PYGO1: variants seen among roughly 807,000 people sequenced by gnomAD.
PYGO1 encodes pygopus homolog 1.
A neutral mutation model predicts 29.5 loss-of-function variants in PYGO1; 6 were observed. The ratio of observed to expected loss-of-function variants is 0.20; its 90% CI spans 0.11 to 0.40. The LOEUF (loss-of-function observed/expected upper bound fraction) is 0.40. Ranked by LOEUF, PYGO1 falls within the 10% of genes least tolerant of loss-of-function variation. PYGO1 has a pLI of 1.00. For missense variants in PYGO1, 515 were observed against 514.9 expected, an observed-to-expected ratio of 1.00 and a Z score of 0.00; for synonymous variants, 186 against 180.5, an observed-to-expected ratio of 1.03 and a Z score of -0.24.
chr15:55,559,068 T>A (rs1469899776), intron 1 of PYGO1, among the ~76,000 whole-genome samples: 5 of 151,850 alleles, frequency 3.3e-5, no homozygotes, highest in African/African-American at 9.7e-5. Context: ...TGGGAGAAAA[T>A]TTTTGCAATC....
At chr15:55,549,826 T>C (rs1427848796) in intron 1 of PYGO1, among the ~76,000 whole-genome samples, 1 of 152,186 alleles carries the variant, frequency 6.6e-6, no homozygotes, top group East Asian at 1.9e-4. Context: ...ATTCTGAACA[T>C]ATACAACATA....
intron 1 of PYGO1, among the ~76,000 whole-genome samples, chr15:55,562,989 G>A (rs890412680): frequency 6.6e-6 from 1 of 152,088 alleles, no homozygotes; most frequent in African/African-American, 2.4e-5. Context: ...ACTGGGGCCT[G>A]TCGGGGGGAG....
chr15:55,571,663 C>T (rs561685277), intron 1 of PYGO1, among the ~76,000 whole-genome samples: 81 of 152,296 alleles, frequency 5.3e-4, no homozygotes, highest in Non-Finnish European at 9.8e-4. Context: ...TGGGGCCTCT[C>T]CAGCCACATG....
At chr15:55,583,316 CCT>C (rs1248218386) in intron 1 of PYGO1, among the ~76,000 whole-genome samples, 50 of 151,736 alleles carry the variant, frequency 3.3e-4, no homozygotes, top group African/African-American at 1.1e-3. Flanking sequence ...CAGTTTTTCC[CCT>C]GTCCTTCTAC....
chr15:55,552,540 G>A (rs1356621728), intron 1 of PYGO1, among the ~76,000 whole-genome samples: 1 of 151,716 alleles, frequency 6.6e-6, no homozygotes, highest in South Asian at 2.1e-4. Context: ...TAGGGCAATC[G>A]CCCGCCCAGG....
chr15:55,552,361 CAAAA>C (rs56789656), intron 1 of PYGO1, among the ~76,000 whole-genome samples: 10 of 53,010 alleles, frequency 1.9e-4, no homozygotes, highest in Non-Finnish European at 4.4e-4. Flanking sequence ...ACTCTGTCTC[CAAAA>C]AAAAAAAAAA....
At chr15:55,574,377 C>T (rs1208729830) in intron 1 of PYGO1, among the ~76,000 whole-genome samples, 1 of 152,200 alleles carries the variant, frequency 6.6e-6, no homozygotes, top group Non-Finnish European at 1.5e-5. Flanking sequence ...TTCCTCTCTA[C>T]TGCAAATGGT....
chr15:55,588,647 C>A (rs988004382), upstream of PYGO1, among the ~76,000 whole-genome samples: 18 of 151,078 alleles, frequency 1.2e-4, 1 homozygote, highest in African/African-American at 4.1e-4. Context: ...CCGCGCCCGG[C>A]GCTCCCTCGC....
intron 1 of PYGO1, among the ~76,000 whole-genome samples, chr15:55,573,914 A>T (rs2058990495): frequency 6.6e-6 from 1 of 152,232 alleles, no homozygotes; most frequent in African/African-American, 2.4e-5. Flanking sequence ...TATATTTATC[A>T]TACTATATGT....
In PYGO1 at chr15:55,546,892, A is replaced by T; in HGVS notation, c.391T>A (p.Phe131Ile). 6.2e-7 allele frequency: 1 copy of T among 1,614,136 alleles called. No individual in the cohort carries two copies. The highest frequency in any genetic ancestry group is 8.5e-7 in the Non-Finnish European group (1 of 1,180,014). Residue 131 changes from phenylalanine (F) to isoleucine (I), a missense_variant, in exon 3 of 3, where the codon TTT becomes ATT. Physicochemically the swap from Phe to Ile is conservative, Grantham distance 21. Transcript: ENST00000563719. The stretch of plus-strand genomic sequence containing the variant: ...CCCATGCCCAGAGGATTCTGAGGAA[A>T]TGGGTGTGGCTGGTTCCTGAGTGAG... ...PYSLRNQPHP[F>I]PQNPLGMGFN...
chr15:55,573,630 T>C (rs985542083), intron 1 of PYGO1, among the ~76,000 whole-genome samples: 2 of 152,156 alleles, frequency 1.3e-5, no homozygotes, highest in Non-Finnish European at 2.9e-5. Flanking sequence ...CCTTGAACTA[T>C]ATACATTGTG....
chr15:55,553,922 G>T (rs1472401430), intron 1 of PYGO1, among the ~76,000 whole-genome samples: 1 of 152,122 alleles, frequency 6.6e-6, no homozygotes, highest in Admixed American at 6.6e-5. Flanking sequence ...CCAGCAAACT[G>T]CAGCAGCCCT....
intron 1 of PYGO1, among the ~76,000 whole-genome samples, chr15:55,587,081 C>T (rs919228115): frequency 6.6e-6 from 1 of 152,210 alleles, no homozygotes; most frequent in African/African-American, 2.4e-5. Context: ...TCAGTCTTAA[C>T]CTTATTAAGA....
At chr15:55,565,081 C>T (rs1038507261) in intron 1 of PYGO1, among the ~76,000 whole-genome samples, 2 of 152,196 alleles carry the variant, frequency 1.3e-5, no homozygotes, top group South Asian at 2.1e-4. Context: ...CATAAAGAAG[C>T]CTTTGCTCTT....
intron 1 of PYGO1, among the ~76,000 whole-genome samples, chr15:55,567,875 A>G (rs959829506): frequency 2.0e-5 from 3 of 151,978 alleles, no homozygotes; most frequent in African/African-American, 7.3e-5. Context: ...GTTTTTCTCA[A>G]TTTTGTCAAA....
rs1206657552 is a variant in PYGO1 at position 55,542,231 on chromosome 15, G to C, written c.*3792C>G. 1 of 152,118 alleles carries C rather than the reference G, an allele frequency of 6.6e-6. No individual in the cohort carries two copies. Among genetic ancestry groups the C allele is most frequent in the Non-Finnish European group, 1.5e-5 (1 of 68,022 alleles). 9.4% of individuals were successfully genotyped at this position (152,118 alleles called of 1,614,324 possible). On this transcript the variant is annotated 3_prime_UTR_variant, in exon 3 of 3. Coordinates refer to ENST00000563719, the MANE Select transcript of PYGO1 (RefSeq NM_001367806.1). ...GAAAGAATATTGAATGAAGACTCTT[G>C]ATACTTATTTGGATTAAAGTTGGCA...
rs150599187 is a variant in PYGO1, at chr15:55,548,576, C to T, written c.135+334G>A. ...CAAAAATTAGCTGGGCATGGTGGCG[C>T]GTGCCTGTAATTCCAGCTACTTGGG... is the stretch of plus-strand genomic sequence containing the variant. On this transcript the variant is annotated intron_variant, in intron 2 of 2. Coordinates refer to ENST00000563719, the MANE Select transcript of PYGO1 (RefSeq NM_001367806.1). 6.0e-3 allele frequency among the ~76,000 whole-genome samples: 907 copies of T among 151,128 alleles called. 6 individuals are homozygous for T. Among genetic ancestry groups the T allele is most frequent in the African/African-American group, 0.02 (838 of 41,244 alleles).
chr15:55,557,251 C>G (rs1038885472), intron 1 of PYGO1, among the ~76,000 whole-genome samples: 3 of 151,814 alleles, frequency 2.0e-5, no homozygotes, highest in African/African-American at 4.8e-5. Flanking sequence ...AGAAGAAATG[C>G]ATAAATTCCT....
Position 55,552,310 on chromosome 15 carries a change from C to T in PYGO1, c.50-3315G>A, listed in dbSNP as rs569225823. 1.1e-3 allele frequency among the ~76,000 whole-genome samples: 159 copies of T among 144,718 alleles called. 1 individual carries two copies. Among genetic ancestry groups the T allele is most frequent in the Non-Finnish European group, 1.6e-3 (108 of 67,034 alleles). 94.9% of individuals were successfully genotyped at this position (144,718 alleles called of 152,430 possible). A position where few individuals can be genotyped will look rare whatever the true frequency, so the allele number is the denominator to read the frequency against. ...CGCAGAGGTTCCACTGAGTTGAGAT[C>T]GCACCACTGCACTGCACTCCAGCCT... On this transcript the variant is annotated intron_variant, in intron 1 of 2. Transcript: ENST00000563719.
Sources: gnomAD v4.1 joint callset for allele counts (sites outside exome capture counted in the v4.1 genomes callset) on GRCh38, gnomAD v4.1.1 for gene constraint, MANE v1.5 for transcripts, NCBI Gene and HGNC (gene_info 2026-07-23, HGNC 2026-07-21) for gene names.